Variants in SESTD1 observed in about 807,000 individuals in gnomAD.
The protein encoded by SESTD1 is SEC14 and spectrin domain containing 1.
In SESTD1, 43 loss-of-function variants were observed where a neutral mutation model predicts 101.7. The ratio of observed to expected loss-of-function variants is 0.42; its 90% CI spans 0.33 to 0.55. SESTD1 has a LOEUF of 0.55. Among genes scored for constraint, SESTD1 ranks in the 20% least tolerant of loss-of-function variants. The pLI, the probability that SESTD1 is intolerant of heterozygous loss-of-function variation, is 0.07. For missense variants in SESTD1, 647 were observed against 815.1 expected (o/e 0.79, Z 2.51); for synonymous variants, 283 against 286.8 (o/e 0.99, Z 0.13).
At chr2:179,161,174 A>C (rs1292965660) in intron 5 of SESTD1, among the ~76,000 whole-genome samples, 2 of 150,766 alleles carry the variant, frequency 1.3e-5, no homozygotes, top group African/African-American at 4.9e-5. Context: ...CTGCCATCTC[A>C]GCCTCCCAAA....
chr2:179,106,816 C>T lies in SESTD1; in HGVS notation c.*3083G>A, dbSNP rs111673835. The T allele has an allele frequency of 1.3e-5, 2 of 152,082 alleles. No individual in the cohort carries two copies. Among genetic ancestry groups the T allele is most frequent in the African/African-American group, 4.8e-5 (2 of 41,490 alleles). The allele number at this position is 152,082 out of a possible 1,614,324, so 9.4% of individuals were successfully genotyped here. On this transcript the variant is annotated 3_prime_UTR_variant, in exon 18 of 18. Transcript: ENST00000428443. ...CCAACAATGAGGACTGGGAACAAAGCCAATTTGACCTAAAATGAAGTCATC... is the reference window on the plus strand; with the variant it reads ...CCAACAATGAGGACTGGGAACAAAGTCAATTTGACCTAAAATGAAGTCATC...
At chr2:179,231,613 T>C (rs2046989583) in intron 1 of SESTD1, among the ~76,000 whole-genome samples, 1 of 145,344 alleles carries the variant, frequency 6.9e-6, no homozygotes, top group Admixed American at 6.8e-5. Context: ...AACATAAGAG[T>C]TGAAATCAAA....
intron 1 of SESTD1, among the ~76,000 whole-genome samples, chr2:179,234,159 G>GACTT (rs1489070837): frequency 6.6e-6 from 1 of 152,146 alleles, no homozygotes; most frequent in Non-Finnish European, 1.5e-5. Context: ...ACTGCCTTCA[G>GACTT]ACTTCATTTA....
chr2:179,159,450 A>T (rs538047902), intron 5 of SESTD1, among the ~76,000 whole-genome samples: 1 of 152,330 alleles, frequency 6.6e-6, no homozygotes, highest in East Asian at 1.9e-4. Context: ...CAAATGTGCA[A>T]GCAAAAGTAA....
chr2:179,232,944 G>T (rs2047007676), intron 1 of SESTD1, among the ~76,000 whole-genome samples: 1 of 152,096 alleles, frequency 6.6e-6, no homozygotes, highest in Non-Finnish European at 1.5e-5. Flanking sequence ...AAGATGGGAG[G>T]TATGATCAAC....
Position 179,115,161 on chromosome 2 carries a change from A to C in SESTD1, c.1743T>G (p.Pro581=). 6.2e-7 allele frequency: 1 copy of C among 1,614,086 alleles called. No individual in the cohort carries two copies. Among genetic ancestry groups the C allele is most frequent in the Non-Finnish European group, 8.5e-7 (1 of 1,179,990 alleles). The change falls in exon 16 of 18, where the codon CCT becomes CCG. Residue 581 remains proline, a synonymous_variant. Coordinates refer to ENST00000428443, the MANE Select transcript of SESTD1 (RefSeq NM_178123.5). ...ATTGTTTCCATACTCTGTTCAGTCG[A>C]GGAAGTGTATCCCCAGATGACCGAG... The part of the protein sequence containing the change: ...CTSRSSGDTL[P]RLNRVWKQFT...
chr2:179,123,748 A>T lies in SESTD1; in HGVS notation c.1249T>A (p.Leu417Ile), dbSNP rs1405010122. ...PADGASIQQTLKLLEEKLKSV... is the reference protein window; with the variant it reads ...PADGASIQQTIKLLEEKLKSV... ...TTCAGCTTCTCTTCAAGCAGTTTTA[A>T]AGTTTGCTGAATCGATGCTCCATCA... Residue 417 changes from leucine (L) to isoleucine (I), a missense_variant, in exon 12 of 18, where the codon TTA (leucine) becomes ATA (isoleucine). Physicochemically the swap from Leu to Ile is conservative, Grantham distance 5. This residue lies in a region of SESTD1 where 476 missense variants were observed against 562.6 expected (regional missense o/e 0.85). Transcript: ENST00000428443. 1 of 1,613,990 alleles carries T rather than the reference A, an allele frequency of 6.2e-7. No individual in the cohort carries two copies. The highest frequency in any genetic ancestry group is 8.5e-7 in the Non-Finnish European group (1 of 1,179,920).
chr2:179,147,486 T>C (rs1472589837), intron 7 of SESTD1, among the ~76,000 whole-genome samples: 1 of 151,410 alleles, frequency 6.6e-6, no homozygotes, highest in African/African-American at 2.4e-5. Context: ...CTCAGCCCCC[T>C]GAGTAGCTGG....
chr2:179,255,778 T>C (rs2047385336), intron 1 of SESTD1, among the ~76,000 whole-genome samples: 1 of 152,242 alleles, frequency 6.6e-6, no homozygotes, highest in Non-Finnish European at 1.5e-5. Flanking sequence ...CATCTAGGAC[T>C]TTCATAGCAA....
At chr2:179,118,486 G>C (rs1029283245) in intron 13 of SESTD1, among the ~76,000 whole-genome samples, 13 of 152,046 alleles carry the variant, frequency 8.6e-5, no homozygotes, top group Non-Finnish European at 1.6e-4. Context: ...CAGACACTGT[G>C]CTCTACTATA....
intron 1 of SESTD1, among the ~76,000 whole-genome samples, chr2:179,249,212 T>TAAAAA (rs58597141): frequency 1.3e-4 from 17 of 125,996 alleles, no homozygotes; most frequent in South Asian, 1.3e-3. Flanking sequence ...GCATACAGAT[T>TAAAAA]AAAAAAAAAA....
chr2:179,244,268 C>T (rs919112906), intron 1 of SESTD1, among the ~76,000 whole-genome samples: 1 of 151,962 alleles, frequency 6.6e-6, no homozygotes, highest in African/African-American at 2.4e-5. Flanking sequence ...ACCAGCCTGG[C>T]CAACATGGTG....
At chr2:179,238,016 C>A (rs756524986) in intron 1 of SESTD1, among the ~76,000 whole-genome samples, 2 of 152,082 alleles carry the variant, frequency 1.3e-5, no homozygotes, top group Non-Finnish European at 2.9e-5. Context: ...CAGAGCCTTA[C>A]CAATAACATA....
chr2:179,117,758 G>T (rs936034596), intron 13 of SESTD1, 145 bp from the exon 14 acceptor site: 1 of 567,032 alleles, frequency 1.8e-6, no homozygotes, highest in Non-Finnish European at 2.9e-6. Context: ...GTATTGATTT[G>T]TAAGAATTTT....
chr2:179,252,444 C>T (rs1044295397), intron 1 of SESTD1, among the ~76,000 whole-genome samples: 3 of 152,100 alleles, frequency 2.0e-5, no homozygotes, highest in Non-Finnish European at 4.4e-5. Context: ...CTATAAAAAT[C>T]GCTGTTTGTC....
chr2:179,194,343 G>C (rs562069928), intron 1 of SESTD1, among the ~76,000 whole-genome samples: 2 of 152,178 alleles, frequency 1.3e-5, no homozygotes, highest in South Asian at 4.1e-4. Context: ...GTGGCAAATG[G>C]GGATCTAGGA....
chr2:179,127,386 A>G (rs986769638), intron 10 of SESTD1, among the ~76,000 whole-genome samples: 26 of 152,374 alleles, frequency 1.7e-4, no homozygotes, highest in African/African-American at 6.3e-4. Context: ...ATATAGTAAG[A>G]CAGTATTATA....
chr2:179,150,142 T>G (rs1376144455), intron 6 of SESTD1, among the ~76,000 whole-genome samples: 1 of 152,170 alleles, frequency 6.6e-6, no homozygotes, highest in Non-Finnish European at 1.5e-5. Context: ...GAAGGACTGC[T>G]TGAGCCCAGA....
chr2:179,207,833 A>G (rs1421082528), intron 1 of SESTD1, among the ~76,000 whole-genome samples: 3 of 134,582 alleles, frequency 2.2e-5, no homozygotes, highest in African/African-American at 8.9e-5. Flanking sequence ...CACCCCCAAA[A>G]GATCACACTA....
Sources: allele counts gnomAD v4.1 joint callset (sites outside exome capture counted in the v4.1 genomes callset), GRCh38; gene constraint gnomAD v4.1.1; regional missense constraint gnomAD v4.1.1; transcripts MANE v1.5; gene names NCBI Gene and HGNC (gene_info 2026-07-23, HGNC 2026-07-21).